PDZD11: variants seen among roughly 807,000 people sequenced by gnomAD.
The protein encoded by PDZD11 is PDZ domain containing 11.
In PDZD11, 2 loss-of-function variants were observed where a neutral mutation model predicts 13.7. The observed-to-expected ratio is 0.15, with a 90% CI of 0.06 to 0.46. The LOEUF (loss-of-function observed/expected upper bound fraction) is 0.46, where lower values mean the gene tolerates loss of function less well. Among genes scored for constraint, PDZD11 ranks in the 20% least tolerant of loss-of-function variants. The pLI is 0.98. For missense variants in PDZD11, 44 were observed against 111.7 expected, an observed-to-expected ratio of 0.39 and a Z score of 2.73; for synonymous variants, 32 against 37.5, an observed-to-expected ratio of 0.85 and a Z score of 0.54.
In PDZD11 at chrX:70,286,840, C is replaced by T. The variant is rs1035206768; in HGVS notation, c.*242G>A. The T allele has an allele frequency of 4.7e-5, 19 of 404,329 alleles. No individual in the cohort carries two copies. The highest frequency in any genetic ancestry group is 4.0e-4 in the African/African-American group (16 of 39,845). 33.3% of individuals were successfully genotyped at this position (404,329 alleles called of 1,213,427 possible). A position where few individuals can be genotyped will look rare whatever the true frequency, so the allele number is the denominator to read the frequency against. ...AATAAATGTCAGTTGTCTTTCCTAA[C>T]TAGGTTCCTCACAGGCTAGGTTATG... On this transcript the variant is annotated 3_prime_UTR_variant, in exon 7 of 7. Coordinates refer to ENST00000239666, the MANE Select transcript of PDZD11 (RefSeq NM_016484.5).
rs772402463 is a variant in PDZD11, at chrX:70,288,481, C to T, written c.120G>A (p.Leu40=). The change falls in exon 3 of 7, where the codon TTG becomes TTA. Residue 40 remains leucine, a synonymous_variant. Transcript: ENST00000239666. ...TGATGGTTCGGGGCAGAAACTGGGT[C>T]AACTCATTGTTGTAGTCCGGGTGGT... is the stretch of plus-strand genomic sequence containing the variant. ...RVHHPDYNNE[L]TQFLPRTITL... 2.5e-6 allele frequency: 3 copies of T among 1,211,468 alleles called. No homozygotes were observed. Among genetic ancestry groups the T allele is most frequent in the Non-Finnish European group, 3.4e-6 (3 of 895,259 alleles).
intron 4 of PDZD11, 94 bp downstream of exon 4, chrX:70,288,023 G>T: frequency 1.2e-6 from 1 of 825,059 alleles, no homozygotes; most frequent in Non-Finnish European, 1.8e-6. Context: ...TGAATCCAGA[G>T]TCATCCTCTC....
At chrX:70,288,258 C>T in intron 3 of PDZD11, 85 bp from the exon 4 acceptor site, 1 of 905,616 alleles carries the variant, frequency 1.1e-6, no homozygotes, top group Non-Finnish European at 1.6e-6. Flanking sequence ...AATAGCTCAG[C>T]TTGTGTGTCC....
intron 1 of PDZD11, 114 bp from the exon 2 acceptor site, chrX:70,289,468 A>G (rs1471659144): frequency 9.0e-7 from 1 of 1,112,290 alleles, no homozygotes; most frequent in Non-Finnish European, 1.2e-6. Context: ...GGCCCAGCCC[A>G]TATCTAGGTG....
Position 70,287,396 on chromosome X carries a change from TA to T in PDZD11, c.328-61del, listed in dbSNP as rs1235875981. Reference sequence around the variant, plus strand: ...GATATGACCCAAGACAGAATCATAATAGGGGGAAAGGGATTTGCCACTCCAA... The same window carrying T: ...GATATGACCCAAGACAGAATCATAATGGGGGAAAGGGATTTGCCACTCCAA... On this transcript the variant is annotated intron_variant, in intron 5 of 6. Transcript: ENST00000239666. 1.6e-5 allele frequency: 16 copies of T among 1,022,579 alleles called. No individual in the cohort carries two copies. The South Asian group carries it at 1.8e-4, about 11-fold the overall frequency. The allele number at this position is 1,022,579 out of a possible 1,213,427, so 84.3% of individuals were successfully genotyped here.
chrX:70,288,942 G>A (rs1445657386), intron 2 of PDZD11, among the ~76,000 whole-genome samples: 1 of 111,486 alleles, frequency 9.0e-6, no homozygotes, highest in African/African-American at 3.3e-5. Flanking sequence ...AACCTCAGGT[G>A]ATCCGCCTGT....
At chrX:70,287,612 C>G (rs1402693432) in intron 5 of PDZD11, 120 bp downstream of exon 5, 2 of 562,076 alleles carry the variant, frequency 3.6e-6, no homozygotes, top group East Asian at 6.6e-5. Context: ...GGATTACAGG[C>G]GTGTACCACA....
rs2085731018 is a variant in PDZD11, at chrX:70,288,106, G to A, written c.228+11C>T. On this transcript the variant is annotated intron_variant, in intron 4 of 6. Transcript: ENST00000239666. ...AAGTAACGATCCATATTGCCTACTG[G>A]GCATAAATACCTTGGAGATGAAGAT... 1 of 1,184,856 alleles carries A rather than the reference G, an allele frequency of 8.4e-7. No homozygotes were observed. The highest frequency in any genetic ancestry group is 1.8e-5 in the African/African-American group (1 of 56,635).
In PDZD11 at chrX:70,288,500, G is replaced by A. The variant is rs200894457; in HGVS notation, c.101C>T (p.Pro34Leu). The change falls in exon 3 of 7, where the codon CCG (proline) becomes CTG (leucine). Residue 34 changes from proline to leucine, a missense_variant. Coordinates refer to ENST00000239666, the MANE Select transcript of PDZD11 (RefSeq NM_016484.5). ...WIPPHERVHH[P>L]DYNNELTQFL... ...CTGGGTCAACTCATTGTTGTAGTCC[G>A]GGTGGTGTACCCTCTGCAAGACACA... 4.9e-5 allele frequency: 59 copies of A among 1,207,930 alleles called. No individual in the cohort carries two copies. Among genetic ancestry groups the A allele is most frequent in the East Asian group, 5.9e-5 (2 of 33,748 alleles).
In PDZD11 at chrX:70,288,077, A is replaced by G. The variant is rs1424838565; in HGVS notation, c.228+40T>C. ...GTTCTGCAATCTGTTAATTTAACAAAGGGAAGTAACGATCCATATTGCCTA... is the reference window on the plus strand; with the variant it reads ...GTTCTGCAATCTGTTAATTTAACAAGGGGAAGTAACGATCCATATTGCCTA... On this transcript the variant is annotated intron_variant, in intron 4 of 6. Coordinates refer to ENST00000239666, the MANE Select transcript of PDZD11 (RefSeq NM_016484.5). 11 of 1,085,326 alleles carry G rather than the reference A, an allele frequency of 1.0e-5. No homozygotes were observed. In the East Asian group the frequency reaches 3.0e-4, roughly 30 times the overall value. The allele number at this position is 1,085,326 out of a possible 1,213,427, so 89.4% of individuals were successfully genotyped here. A position where few individuals can be genotyped will look rare whatever the true frequency, so the allele number is the denominator to read the frequency against.
chrX:70,288,935 C>T (rs969047787), intron 2 of PDZD11, among the ~76,000 whole-genome samples: 1 of 111,486 alleles, frequency 9.0e-6, no homozygotes, highest in Non-Finnish European at 1.9e-5. Flanking sequence ...AACTCCCAAC[C>T]TCAGGTGATC....
chrX:70,287,922 T>C (rs895180993), intron 4 of PDZD11, 92 bp from the exon 5 acceptor site: 10 of 806,499 alleles, frequency 1.2e-5, no homozygotes, highest in African/African-American at 1.0e-4. Flanking sequence ...TATGGTGCTA[T>C]TGTTTTTCTG....
chrX:70,287,091 A>G lies in PDZD11; in HGVS notation c.414T>C (p.Thr138=). 1 of 1,199,840 alleles carries G rather than the reference A, an allele frequency of 8.3e-7. No individual in the cohort carries two copies. Among genetic ancestry groups the G allele is most frequent in the South Asian group, 1.8e-5 (1 of 54,866 alleles). Residue 138 remains threonine, a synonymous_variant, in exon 7 of 7, where the codon ACT becomes ACC. Coordinates refer to ENST00000239666, the MANE Select transcript of PDZD11 (RefSeq NM_016484.5). The part of the protein sequence containing the change: ...PYNYHRQKER[T]VH ...TGTGGGCTGCAACTTTCTAGTGCAC[A>G]GTCCTCTCTTTTTGGCGATGATAAT...
At chrX:70,287,480 T>C (rs2085725946) in intron 5 of PDZD11, 144 bp from the exon 6 acceptor site, 3 of 528,211 alleles carry the variant, frequency 5.7e-6, no homozygotes, top group Non-Finnish European at 9.8e-6. Flanking sequence ...GGTGCTTACT[T>C]TCTCTCTCTC....
chrX:70,288,244 G>A (rs1042223636), intron 3 of PDZD11, 71 bp from the exon 4 acceptor site: 66 of 946,780 alleles, frequency 7.0e-5, no homozygotes, highest in Middle Eastern at 5.2e-4. Flanking sequence ...TAGCATCATC[G>A]TACAATAGCT....
chrX:70,287,613 G>A (rs987131544), intron 5 of PDZD11, 119 bp downstream of exon 5: 8 of 563,063 alleles, frequency 1.4e-5, no homozygotes, highest in Admixed American at 8.4e-5. Context: ...GATTACAGGC[G>A]TGTACCACAG....
intron 6 of PDZD11, 66 bp downstream of exon 6, chrX:70,287,210 A>C: frequency 2.6e-6 from 3 of 1,152,199 alleles, no homozygotes; most frequent in Non-Finnish European, 3.6e-6. Flanking sequence ...GCCTCTAGTC[A>C]TCAGTATTTA....
intron 2 of PDZD11, among the ~76,000 whole-genome samples, chrX:70,288,781 C>T (rs1018678264): frequency 1.8e-5 from 2 of 108,159 alleles, no homozygotes; most frequent in African/African-American, 6.7e-5. Context: ...CTCAGCTCAC[C>T]GCAACCTCTG....
intron 4 of PDZD11, 120 bp downstream of exon 4, chrX:70,287,997 C>T: frequency 4.2e-6 from 3 of 715,116 alleles, no homozygotes; most frequent in Non-Finnish European, 6.5e-6. Context: ...GGGGTGTCTC[C>T]ATTATACCCC....
Sources: allele counts gnomAD v4.1 joint callset (sites outside exome capture counted in the v4.1 genomes callset), GRCh38; gene constraint gnomAD v4.1.1; transcripts MANE v1.5; gene names NCBI Gene and HGNC (gene_info 2026-07-23, HGNC 2026-07-21).